Variants in BMPR1A observed in about 807,000 individuals in gnomAD.
BMPR1A encodes bone morphogenetic protein receptor type 1A.
Under a neutral mutation model 66.0 loss-of-function variants are expected in BMPR1A, and 7 were observed. That is an observed-to-expected ratio of 0.11 (90% CI 0.06 to 0.20). The LOEUF is 0.20. Among genes scored for constraint, BMPR1A ranks in the 10% least tolerant of loss-of-function variants. The pLI, the probability that BMPR1A is intolerant of heterozygous loss-of-function variation, is 1.00. For synonymous variants in BMPR1A, 200 were observed against 229.7 expected, an observed-to-expected ratio of 0.87 and a Z score of 1.17; for missense variants, 408 against 669.1, an observed-to-expected ratio of 0.61 and a Z score of 4.31.
rs577195078 is a variant in BMPR1A, at chr10:86,795,648, G to A, written c.-268+38729G>A. ...ACTATGTCTTCAACCCTTCCCCATA[G>A]TAGGGAGGGAGGGAATTAGGCAGTT... On this transcript the variant is annotated intron_variant, in intron 1 of 12. Transcript: ENST00000372037. Among the ~76,000 whole-genome samples the A allele has an allele frequency of 2.0e-5, 3 of 152,262 alleles. No homozygotes were observed. In the South Asian group the frequency reaches 6.2e-4, roughly 32 times the overall value.
intron 1 of BMPR1A, among the ~76,000 whole-genome samples, chr10:86,773,518 G>A (rs865907389): frequency 2.1e-4 from 31 of 150,922 alleles, no homozygotes; most frequent in African/African-American, 6.1e-4. Context: ...ACTTGAACCC[G>A]GGAGGTGGAG....
intron 2 of BMPR1A, among the ~76,000 whole-genome samples, chr10:86,848,024 C>T (rs1490728860): frequency 1.1e-4 from 16 of 151,958 alleles, no homozygotes; most frequent in Non-Finnish European, 2.4e-4. Context: ...CTTCGCCCCC[C>T]GGGTTCAAGC....
chr10:86,883,776 A>G (rs1843026973), intron 3 of BMPR1A, among the ~76,000 whole-genome samples: 1 of 152,106 alleles, frequency 6.6e-6, no homozygotes, highest in Non-Finnish European at 1.5e-5. Context: ...TTTCAAAACA[A>G]AAAAAACAAA....
chr10:86,849,482 G>A (rs1231791950), intron 2 of BMPR1A, among the ~76,000 whole-genome samples: 1 of 152,176 alleles, frequency 6.6e-6, no homozygotes, highest in Non-Finnish European at 1.5e-5. Context: ...TTGAACTGCA[G>A]CTTCTGTGCT....
intron 5 of BMPR1A, among the ~76,000 whole-genome samples, chr10:86,897,536 G>A (rs55822548): frequency 0.076 from 11,542 of 152,122 alleles, 502 homozygotes; most frequent in Non-Finnish European, 0.081. Flanking sequence ...TTAATTTATT[G>A]AATATTTGTT....
At chr10:86,846,742 A>T (rs749212644) in intron 2 of BMPR1A, among the ~76,000 whole-genome samples, 2 of 151,814 alleles carry the variant, frequency 1.3e-5, no homozygotes, top group Non-Finnish European at 2.9e-5. Context: ...CCACACACCC[A>T]CTTGCTTCTG....
chr10:86,763,795 T>TG (rs1164086968), intron 1 of BMPR1A, among the ~76,000 whole-genome samples: 1 of 148,586 alleles, frequency 6.7e-6, no homozygotes, highest in East Asian at 2.0e-4. Flanking sequence ...TAGTTGTTTT[T>TG]TTTTTTTTTT....
chr10:86,817,337 C>T (rs4934272), intron 1 of BMPR1A, among the ~76,000 whole-genome samples: 33,427 of 152,036 alleles, frequency 0.22, 4,802 homozygotes, highest in East Asian at 0.64. Context: ...TAAGTGGCAT[C>T]ATTTAGTATT....
intron 7 of BMPR1A, among the ~76,000 whole-genome samples, chr10:86,908,556 G>GCT (rs1273392803): frequency 6.6e-6 from 1 of 152,106 alleles, no homozygotes; most frequent in African/African-American, 2.4e-5. Context: ...TTCGAGTTGG[G>GCT]GTTTAGGTGC....
At chr10:86,868,778 G>GTTT (rs55872033) in intron 2 of BMPR1A, among the ~76,000 whole-genome samples, 1 of 141,046 alleles carries the variant, frequency 7.1e-6, no homozygotes, top group African/African-American at 2.6e-5. Context: ...CTTTTCCTGT[G>GTTT]TTTTTTTTTT....
intron 1 of BMPR1A, among the ~76,000 whole-genome samples, chr10:86,800,893 G>C (rs1841802921): frequency 6.6e-6 from 1 of 152,322 alleles, no homozygotes; most frequent in Middle Eastern, 3.4e-3. Flanking sequence ...ATTTTAAAGT[G>C]AGAATAAAAT....
intron 2 of BMPR1A, among the ~76,000 whole-genome samples, chr10:86,862,064 T>C (rs1170431230): frequency 6.6e-6 from 1 of 152,056 alleles, no homozygotes; most frequent in Non-Finnish European, 1.5e-5. Context: ...ATAAAGTGAG[T>C]GAAACAGACT....
At chr10:86,758,449 A>G (rs1847915205) in intron 1 of BMPR1A, among the ~76,000 whole-genome samples, 1 of 147,194 alleles carries the variant, frequency 6.8e-6, no homozygotes, top group South Asian at 2.2e-4. Flanking sequence ...TGCTTAGTGG[A>G]GCGTGAGTTA....
At chr10:86,766,381 A>G (rs1405927033) in intron 1 of BMPR1A, among the ~76,000 whole-genome samples, 4 of 152,176 alleles carry the variant, frequency 2.6e-5, no homozygotes, top group Non-Finnish European at 5.9e-5. Context: ...GTTAATGAAT[A>G]ATTAGATTAT....
intron 2 of BMPR1A, among the ~76,000 whole-genome samples, chr10:86,865,756 T>A (rs1842778517): frequency 6.6e-6 from 1 of 152,246 alleles, no homozygotes; most frequent in African/African-American, 2.4e-5. Context: ...CACATTGCAT[T>A]TTCTATCCTG....
chr10:86,766,231 A>G (rs946699473), intron 1 of BMPR1A, among the ~76,000 whole-genome samples: 2 of 152,048 alleles, frequency 1.3e-5, no homozygotes, highest in African/African-American at 4.8e-5. Context: ...GGCTAAAGTG[A>G]TCCTCCCACC....
chr10:86,898,719 A>G (rs528585824), intron 5 of BMPR1A, among the ~76,000 whole-genome samples: 36 of 152,208 alleles, frequency 2.4e-4, no homozygotes, highest in African/African-American at 8.4e-4. Context: ...GGCCAAGCTC[A>G]TTTTAGCTTT....
chr10:86,861,708 T>C (rs1842715946), intron 2 of BMPR1A, among the ~76,000 whole-genome samples: 1 of 152,240 alleles, frequency 6.6e-6, no homozygotes, highest in Admixed American at 6.5e-5. Context: ...GGGGATGTGG[T>C]GTTTACTTAT....
intron 2 of BMPR1A, among the ~76,000 whole-genome samples, chr10:86,856,491 G>GAATA (rs1260191038): frequency 6.6e-6 from 1 of 152,164 alleles, no homozygotes. Context: ...CCATTCCAGA[G>GAATA]AATAGCAAAT....
Sources: allele counts gnomAD v4.1 joint callset (sites outside exome capture counted in the v4.1 genomes callset), GRCh38; gene constraint gnomAD v4.1.1; transcripts MANE v1.5; gene names NCBI Gene and HGNC (gene_info 2026-07-23, HGNC 2026-07-21).